The following MARCHF10 variants were observed in gnomAD, a reference collection of about 807,000 sequenced individuals.
MARCHF10 encodes the protein membrane associated ring-CH-type finger 10.
Under a neutral mutation model 76.2 loss-of-function variants are expected in MARCHF10, and 64 were observed. That is an observed-to-expected ratio of 0.84 (90% CI 0.69 to 1.03). MARCHF10 has a LOEUF of 1.03. Ranked by LOEUF, MARCHF10 falls within the 50% of genes least tolerant of loss-of-function variation. The probability of loss-of-function intolerance (pLI) is 0.00; values close to 1 mark genes in which losing one functional copy is unlikely to be tolerated. For synonymous variants in MARCHF10, 340 were observed against 357.5 expected, an observed-to-expected ratio of 0.95 and a Z score of 0.55; for missense variants, 875 against 958.0, an observed-to-expected ratio of 0.91 and a Z score of 1.14.
chr17:62,742,690 CTTT>C (rs1401507839), intron 5 of MARCHF10, among the ~76,000 whole-genome samples: 65 of 102,630 alleles, frequency 6.3e-4, no homozygotes, highest in African/African-American at 1.7e-3. Context: ...TCCTTCCTTT[CTTT>C]TTTCTTTTTT....
At chr17:62,803,713 A>T (rs2093117001) in intron 1 of MARCHF10, among the ~76,000 whole-genome samples, 1 of 152,056 alleles carries the variant, frequency 6.6e-6, no homozygotes, top group Admixed American at 6.6e-5. Context: ...GCGAGGTTTC[A>T]CCATATCGGC....
chr17:62,788,891 G>C (rs528333558), intron 2 of MARCHF10, among the ~76,000 whole-genome samples: 1 of 147,042 alleles, frequency 6.8e-6, no homozygotes, highest in African/African-American at 2.5e-5. Flanking sequence ...GTGAAACCCC[G>C]TCTCTACTAA....
chr17:62,793,198 ACCACCACCACCACCACCACCTCCACTG>A, intron 2 of MARCHF10, among the ~76,000 whole-genome samples: 1 of 84,424 alleles, frequency 1.2e-5, no homozygotes, highest in African/African-American at 3.6e-5. Flanking sequence ...CACCTCCATC[ACCACCACCACCACCACCACCTCCACTG>A]CCACCACCAC....
chr17:62,718,166 T>G (rs150836890), intron 8 of MARCHF10, among the ~76,000 whole-genome samples: 2 of 152,260 alleles, frequency 1.3e-5, no homozygotes, highest in East Asian at 3.9e-4. Context: ...TGAGTTAACA[T>G]CTCTCACCTT....
At chr17:62,801,616 CAGA>C in intron 2 of MARCHF10, 27 bp downstream of exon 2, 1 of 1,566,740 alleles carries the variant, frequency 6.4e-7, no homozygotes. Context: ...CAAGAGAAGG[CAGA>C]AGACCATTCT....
chr17:62,735,984 C>A lies in MARCHF10; in HGVS notation c.1884G>T (p.Lys628Asn), dbSNP rs201223678. 1.2e-6 allele frequency: 2 copies of A among 1,613,744 alleles called. No individual in the cohort carries two copies. The highest frequency in any genetic ancestry group is 1.1e-5 in the South Asian group (1 of 90,936). Residue 628 changes from lysine (K) to asparagine (N), a missense_variant, in exon 6 of 11, where the codon AAG (lysine) becomes AAT (asparagine). Transcript: ENST00000311269. ...RMAASGFTDE[K>N]ETSKIKADPE... ...GGTCTGCCTTTATCTTACTGGTTTCCTTTTCATCTGTGAAACCAGAGGCTG... is the reference window on the plus strand; with the variant it reads ...GGTCTGCCTTTATCTTACTGGTTTCATTTTCATCTGTGAAACCAGAGGCTG...
In MARCHF10 at chr17:62,801,654, CAG is replaced by C; in HGVS notation, c.80_81del (p.Ser27Ter). 1 of 1,613,952 alleles carries C rather than the reference CAG, an allele frequency of 6.2e-7. No individual in the cohort carries two copies. The highest frequency in any genetic ancestry group is 8.5e-7 in the Non-Finnish European group (1 of 1,179,866). ...YLRDMQHKVD[S>X]EYQACLRRQE... is the part of the protein sequence containing the mutation. Reference sequence around the variant, plus strand: ...TTGCTTTCTGCAATTACCTGATACTCAGAGTCCACCTTATGCTGCATGTCCCG... The same window carrying C: ...TTGCTTTCTGCAATTACCTGATACTCAGTCCACCTTATGCTGCATGTCCCG... On this transcript the variant is annotated frameshift_variant, in exon 2 of 11. Coordinates refer to ENST00000311269, the MANE Select transcript of MARCHF10 (RefSeq NM_152598.4). LOFTEE classifies it high-confidence loss of function.
At chr17:62,705,276 C>T in intron 10 of MARCHF10, 1 of 1,415,018 alleles carries the variant, frequency 7.1e-7, no homozygotes, top group Non-Finnish European at 9.2e-7. Context: ...TTATCTCATG[C>T]CGGAAGATAA....
intron 10 of MARCHF10, 63 bp from the exon 11 acceptor site, chr17:62,701,821 G>A (rs1028803136): frequency 2.5e-6 from 4 of 1,601,932 alleles, no homozygotes; most frequent in African/African-American, 1.3e-5. Context: ...TGTTACAGGG[G>A]GCACGGCACT....
intron 3 of MARCHF10, among the ~76,000 whole-genome samples, chr17:62,775,984 G>A (rs898122488): frequency 6.6e-6 from 1 of 151,918 alleles, no homozygotes; most frequent in African/African-American, 2.4e-5. Flanking sequence ...CTTTTGTAAT[G>A]ATGAGGTGTT....
intron 2 of MARCHF10, among the ~76,000 whole-genome samples, chr17:62,797,205 T>C (rs981724313): frequency 1.3e-5 from 2 of 152,254 alleles, no homozygotes; most frequent in African/African-American, 4.8e-5. Flanking sequence ...AATTTTATGA[T>C]ATATAATTTT....
intron 3 of MARCHF10, among the ~76,000 whole-genome samples, chr17:62,760,573 G>A (rs1326526246): frequency 6.6e-6 from 1 of 152,140 alleles, no homozygotes; most frequent in Non-Finnish European, 1.5e-5. Flanking sequence ...TCTATGCATG[G>A]ACAAATCATG....
chr17:62,744,348 C>T, intron 5 of MARCHF10, 28 bp downstream of exon 5: 1 of 1,599,496 alleles, frequency 6.3e-7, no homozygotes, highest in Non-Finnish European at 8.5e-7. Context: ...TCTCCAAGGA[C>T]AAAGGTTCGG....
At chr17:62,727,989 G>A (rs1050402749) in intron 6 of MARCHF10, among the ~76,000 whole-genome samples, 11 of 152,258 alleles carry the variant, frequency 7.2e-5, no homozygotes, top group African/African-American at 2.4e-4. Context: ...CTCTCCCAGG[G>A]GAACATTCTG....
intron 4 of MARCHF10, among the ~76,000 whole-genome samples, chr17:62,745,988 G>A (rs1177597910): frequency 6.6e-6 from 1 of 152,212 alleles, no homozygotes; most frequent in African/African-American, 2.4e-5. Context: ...GTAACATAGG[G>A]ATAAAGCCGG....
At position 62,705,512 on chromosome 17, in the gene MARCHF10, A is replaced by G. The variant is rs756909938; in HGVS notation, c.2371+27T>C. On this transcript the variant is annotated intron_variant, in intron 10 of 10. Coordinates refer to ENST00000311269, the MANE Select transcript of MARCHF10 (RefSeq NM_152598.4). ...GAGTAATTTAGCAAACACCCTCAAA[A>G]TGGCAGGACTGGCCCCCAAAACCTA... 19 of 1,613,918 alleles carry G rather than the reference A, an allele frequency of 1.2e-5. No homozygotes were observed. In the East Asian group the frequency reaches 3.8e-4, roughly 32 times the overall value.
intron 2 of MARCHF10, chr17:62,794,974 T>A: frequency 1.0e-6 from 1 of 975,514 alleles, no homozygotes; most frequent in Non-Finnish European, 1.2e-6. Flanking sequence ...CCCCTCCAGC[T>A]AGTTTTTTTT....
chr17:62,756,463 T>C (rs992073100), intron 4 of MARCHF10, among the ~76,000 whole-genome samples: 1 of 152,016 alleles, frequency 6.6e-6, no homozygotes, highest in Admixed American at 6.6e-5. Context: ...AATCAATCAG[T>C]CAATCAATAA....
chr17:62,748,355 C>T (rs993343360), intron 4 of MARCHF10, among the ~76,000 whole-genome samples: 1 of 152,054 alleles, frequency 6.6e-6, no homozygotes, highest in African/African-American at 2.4e-5. Flanking sequence ...CGAGATCACA[C>T]CACTGCACTC....
Sources: allele counts gnomAD v4.1 joint callset (sites outside exome capture counted in the v4.1 genomes callset), GRCh38; gene constraint gnomAD v4.1.1; transcripts MANE v1.5; gene names NCBI Gene and HGNC (gene_info 2026-07-23, HGNC 2026-07-21).